Variants in TMEM232 observed in about 807,000 individuals in gnomAD.
TMEM232 encodes the protein transmembrane protein 232.
Under a neutral mutation model 78.8 loss-of-function variants are expected in TMEM232, and 80 were observed. The ratio of observed to expected loss-of-function variants is 1.01; its 90% CI spans 0.85 to 1.22. The LOEUF is 1.22. Ranked by LOEUF, TMEM232 falls within the 50% of genes most tolerant of loss-of-function variation. The pLI is 0.00. For missense variants in TMEM232, 881 were observed against 742.2 expected (o/e 1.19, Z -2.17); for synonymous variants, 297 against 254.3 (o/e 1.17, Z -1.60).
intron 11 of TMEM232, among the ~76,000 whole-genome samples, chr5:110,550,793 C>T (rs1462939721): frequency 6.6e-6 from 1 of 151,338 alleles, no homozygotes; most frequent in African/African-American, 2.4e-5. Flanking sequence ...CAATGAAACC[C>T]CAATAAAAAT....
chr5:110,525,157 C>T (rs1417029906), intron 12 of TMEM232, among the ~76,000 whole-genome samples: 3 of 148,818 alleles, frequency 2.0e-5, no homozygotes, highest in African/African-American at 7.4e-5. Flanking sequence ...AAGATTTCTT[C>T]GTAACAATAA....
chr5:110,619,880 A>ATGT (rs1783414802), intron 7 of TMEM232, among the ~76,000 whole-genome samples: 1 of 152,162 alleles, frequency 6.6e-6, no homozygotes, highest in Non-Finnish European at 1.5e-5. Context: ...ACAAACCTGC[A>ATGT]TGTTGTGCAC....
At chr5:110,405,065 A>G (rs558195429) in intron 2 of TMEM232, among the ~76,000 whole-genome samples, 1 of 152,122 alleles carries the variant, frequency 6.6e-6, no homozygotes, top group African/African-American at 2.4e-5. Flanking sequence ...TGTTGCTTCT[A>G]TTTTGAAGCC....
At chr5:110,693,805 G>C (rs191438859) in intron 1 of TMEM232, among the ~76,000 whole-genome samples, 1 of 152,268 alleles carries the variant, frequency 6.6e-6, no homozygotes, top group East Asian at 1.9e-4. Context: ...GGGACTATGT[G>C]AAAAGACCAA....
At chr5:110,458,281 T>A (rs967201130) in intron 12 of TMEM232, among the ~76,000 whole-genome samples, 2 of 149,750 alleles carry the variant, frequency 1.3e-5, no homozygotes, top group East Asian at 1.9e-4. Context: ...CTTTTTTTTG[T>A]TTTTTTTTCA....
intron 1 of TMEM232, among the ~76,000 whole-genome samples, chr5:110,695,114 A>G (rs1218599982): frequency 6.6e-6 from 1 of 152,256 alleles, no homozygotes; most frequent in African/African-American, 2.4e-5. Context: ...CTCAGACCAC[A>G]GTGCAATCAA....
At chr5:110,461,206 C>A (rs1233691223) in intron 12 of TMEM232, among the ~76,000 whole-genome samples, 1 of 151,434 alleles carries the variant, frequency 6.6e-6, no homozygotes, top group African/African-American at 2.4e-5. Flanking sequence ...AAAAAAGAAT[C>A]GTTATTAAAG....
intron 10 of TMEM232, among the ~76,000 whole-genome samples, chr5:110,586,851 T>A (rs1269249752): frequency 6.6e-6 from 1 of 152,156 alleles, no homozygotes; most frequent in Non-Finnish European, 1.5e-5. Flanking sequence ...TTATTACTAC[T>A]ATAGTTAAAT....
chr5:110,522,421 CTAAT>C (rs1769673197), intron 12 of TMEM232, among the ~76,000 whole-genome samples: 1 of 152,046 alleles, frequency 6.6e-6, no homozygotes, highest in African/African-American at 2.4e-5. Flanking sequence ...TTTTTCTTGT[CTAAT>C]TATTCAAGCT....
intron 2 of TMEM232, among the ~76,000 whole-genome samples, chr5:110,404,591 A>C (rs73217194): frequency 0.036 from 5,486 of 152,208 alleles, 354 homozygotes; most frequent in African/African-American, 0.13. Flanking sequence ...TTTAATGATG[A>C]ATATTTATCT....
chr5:110,406,265 T>TACACACACACACAC (rs70999966), intron 2 of TMEM232, among the ~76,000 whole-genome samples: 91 of 143,686 alleles, frequency 6.3e-4, no homozygotes, highest in Non-Finnish European at 1.1e-3. Flanking sequence ...CAGATATATA[T>TACACACACACACAC]ACACACACAC....
chr5:110,624,159 C>A (rs2149927004), intron 7 of TMEM232, among the ~76,000 whole-genome samples: 2 of 152,218 alleles, frequency 1.3e-5, no homozygotes, highest in Non-Finnish European at 2.9e-5. Flanking sequence ...ATTCCAATCA[C>A]AACAGTAAGC....
chr5:110,691,278 CA>C (rs1185768993), intron 1 of TMEM232, among the ~76,000 whole-genome samples: 1 of 152,050 alleles, frequency 6.6e-6, no homozygotes, highest in African/African-American at 2.4e-5. Flanking sequence ...AGGAAAATCA[CA>C]ATGAGCTGAT....
At chr5:110,688,319 G>T (rs1305979763) in intron 1 of TMEM232, among the ~76,000 whole-genome samples, 2 of 152,108 alleles carry the variant, frequency 1.3e-5, no homozygotes, top group Non-Finnish European at 2.9e-5. Context: ...CTTATATTAT[G>T]ATTTCAGAAG....
intron 2 of TMEM232, among the ~76,000 whole-genome samples, chr5:110,403,443 T>C (rs1755677048): frequency 6.6e-6 from 1 of 152,046 alleles, no homozygotes; most frequent in South Asian, 2.1e-4. Flanking sequence ...TATTCTTATT[T>C]TGATCTGTGC....
intron 1 of TMEM232, among the ~76,000 whole-genome samples, chr5:110,686,978 G>A (rs1039410340): frequency 5.3e-5 from 8 of 151,980 alleles, no homozygotes; most frequent in Non-Finnish European, 1.2e-4. Flanking sequence ...ATGTATTATT[G>A]ATCCTCATCT....
At chr5:110,729,704 C>A (rs531545525), upstream of TMEM232, among the ~76,000 whole-genome samples, 1 of 152,196 alleles carries the variant, frequency 6.6e-6, no homozygotes, top group Non-Finnish European at 1.5e-5. Context: ...AGCACCCTTA[C>A]AGATTTTCCT....
intron 1 of TMEM232, among the ~76,000 whole-genome samples, chr5:110,688,007 T>C (rs941459326): frequency 6.6e-6 from 1 of 152,138 alleles, no homozygotes; most frequent in African/African-American, 2.4e-5. Flanking sequence ...TGGGATATCA[T>C]TGATGTCTCT....
At chr5:110,640,793 C>A in intron 4 of TMEM232, 98 bp downstream of exon 4, 1 of 787,800 alleles carries the variant, frequency 1.3e-6, no homozygotes, top group East Asian at 3.4e-5. Flanking sequence ...AATTTCTTGT[C>A]TTCTGCACAA....
Sources: gnomAD v4.1 joint callset for allele counts (sites outside exome capture counted in the v4.1 genomes callset) on GRCh38, gnomAD v4.1.1 for gene constraint, MANE v1.5 for transcripts, NCBI Gene and HGNC (gene_info 2026-07-23, HGNC 2026-07-21) for gene names.